RGS8: variants seen among roughly 807,000 people sequenced by gnomAD.
RGS8 encodes the protein regulator of G-protein signaling 8.
Under a neutral mutation model 21.7 loss-of-function variants are expected in RGS8, and 8 were observed. The observed-to-expected ratio is 0.37, with a 90% CI of 0.22 to 0.66. The LOEUF (loss-of-function observed/expected upper bound fraction) is 0.66. Ranked by LOEUF, RGS8 falls within the 30% of genes least tolerant of loss-of-function variation. RGS8 has a pLI of 0.59. For synonymous variants in RGS8, 80 were observed against 83.6 expected, an observed-to-expected ratio of 0.96 and a Z score of 0.24; for missense variants, 157 against 217.9, an observed-to-expected ratio of 0.72 and a Z score of 1.76.
chr1:182,724,665 C>T, the RGS8 span, among the ~76,000 whole-genome samples: 2 of 152,150 alleles, frequency 1.3e-5, no homozygotes, highest in Non-Finnish European at 2.9e-5. Flanking sequence ...TCAAGAGATT[C>T]TCCTGCCTCA....
chr1:182,671,608 G>T (rs759325065), intron 2 of RGS8, 49 bp downstream of exon 3: 1 of 1,514,576 alleles, frequency 6.6e-7, no homozygotes. Flanking sequence ...TGCAATCGGT[G>T]CACACAGACA....
chr1:182,682,303 C>G (rs1047048471), intron 1 of RGS8, among the ~76,000 whole-genome samples: 1 of 152,126 alleles, frequency 6.6e-6, no homozygotes, highest in African/African-American at 2.4e-5. Context: ...AGGCTTAGCA[C>G]CTGCTAAGTT....
the RGS8 span, among the ~76,000 whole-genome samples, chr1:182,750,463 C>T: frequency 6.6e-6 from 1 of 152,074 alleles, no homozygotes; most frequent in African/African-American, 2.4e-5. Flanking sequence ...GCAAAAAATA[C>T]CCTATGTCTT....
chr1:182,747,098 G>A, the RGS8 span, among the ~76,000 whole-genome samples: 3 of 81,642 alleles, frequency 3.7e-5, no homozygotes, highest in Non-Finnish European at 4.8e-5. Context: ...TGGAGATCTC[G>A]TTATATTGCC....
At chr1:182,735,964 CAA>C in the RGS8 span, among the ~76,000 whole-genome samples, 1 of 152,232 alleles carries the variant, frequency 6.6e-6, no homozygotes, top group East Asian at 1.9e-4. Flanking sequence ...CAATGTTTCT[CAA>C]ACTTCAACCA....
At chr1:182,729,207 T>C in the RGS8 span, among the ~76,000 whole-genome samples, 1 of 152,340 alleles carries the variant, frequency 6.6e-6, no homozygotes, top group East Asian at 1.9e-4. Context: ...GAATGGATGG[T>C]AAAAATGCTG....
At chr1:182,676,203 A>C (rs935433847), upstream of RGS8, among the ~76,000 whole-genome samples, 2 of 152,230 alleles carry the variant, frequency 1.3e-5, no homozygotes, top group African/African-American at 4.8e-5. Context: ...AATGTAATTA[A>C]ATTGAAGATA....
rs1329078041 is a variant in RGS8 at position 182,669,667 on chromosome 1, G to T, written c.-18C>A. ...GCCGCCATACAGGCATCAGCTTACG[G>T]TTAACCCTTGGGCTGGTATGCAGGG... On this transcript the variant is annotated 5_prime_UTR_variant, in exon 3 of 7. Transcript: ENST00000483095. 3 of 1,614,216 alleles carry T rather than the reference G, an allele frequency of 1.9e-6. No individual in the cohort carries two copies. In the South Asian group the frequency reaches 3.3e-5, roughly 18 times the overall value.
the RGS8 span, among the ~76,000 whole-genome samples, chr1:182,735,761 T>C: frequency 6.6e-6 from 1 of 152,244 alleles, no homozygotes; most frequent in Admixed American, 6.5e-5. Flanking sequence ...TCACAAGAGA[T>C]GTATCTGAAG....
upstream of RGS8, chr1:182,672,815 T>A (rs1664228133): frequency 5.0e-6 from 8 of 1,614,036 alleles, no homozygotes; most frequent in Non-Finnish European, 6.8e-6. Flanking sequence ...TCAAACCTCC[T>A]TACCCACATG....
the RGS8 span, among the ~76,000 whole-genome samples, chr1:182,721,179 A>G: frequency 6.6e-6 from 1 of 151,322 alleles, no homozygotes; most frequent in African/African-American, 2.4e-5. Flanking sequence ...CTTTAACATG[A>G]CAGAACCCCC....
chr1:182,730,763 C>T, the RGS8 span, among the ~76,000 whole-genome samples: 1 of 151,888 alleles, frequency 6.6e-6, no homozygotes, highest in African/African-American at 2.4e-5. Context: ...CTCTACCTTG[C>T]AGAAAAAGTC....
the RGS8 span, among the ~76,000 whole-genome samples, chr1:182,690,520 C>T: frequency 1.3e-5 from 2 of 152,294 alleles, no homozygotes; most frequent in East Asian, 1.9e-4. Flanking sequence ...TCCCTTTGGG[C>T]GAGTCATTTA....
At chr1:182,645,354 C>G (rs1474748624), downstream of RGS8, 1 of 152,238 alleles carries the variant, frequency 6.6e-6, no homozygotes, top group Admixed American at 6.5e-5. Flanking sequence ...CTTACATGCC[C>G]CTCTTTCACT....
upstream of RGS8, among the ~76,000 whole-genome samples, chr1:182,677,787 T>A (rs1001797472): frequency 6.6e-6 from 1 of 152,234 alleles, no homozygotes; most frequent in East Asian, 1.9e-4. Context: ...ATTTCAAAGT[T>A]AAATTTTGGA....
At chr1:182,740,198 C>T in the RGS8 span, among the ~76,000 whole-genome samples, 2 of 152,212 alleles carry the variant, frequency 1.3e-5, no homozygotes, top group Non-Finnish European at 2.9e-5. Flanking sequence ...AACTGGCCTG[C>T]TGTAATAGAG....
At chr1:182,646,729 T>C in exon 7 of RGS8, 1 of 1,605,444 alleles carries the variant, frequency 6.2e-7, no homozygotes. Context: ...AGTTCCCTTC[T>C]GAGGTCTAAC....
At chr1:182,748,746 C>T in the RGS8 span, among the ~76,000 whole-genome samples, 1 of 152,194 alleles carries the variant, frequency 6.6e-6, no homozygotes, top group Non-Finnish European at 1.5e-5. Context: ...TCCCTTTTCT[C>T]CACATCCTCC....
upstream of RGS8, among the ~76,000 whole-genome samples, chr1:182,677,809 C>A (rs1025078973): frequency 6.6e-6 from 1 of 152,192 alleles, no homozygotes; most frequent in African/African-American, 2.4e-5. Context: ...GCTTTGGTGT[C>A]TAAGCCTGCG....
Sources: gnomAD v4.1 joint callset for allele counts (sites outside exome capture counted in the v4.1 genomes callset) on GRCh38, gnomAD v4.1.1 for gene constraint, MANE v1.5 for transcripts, NCBI Gene and HGNC (gene_info 2026-07-23, HGNC 2026-07-21) for gene names.